The following PRKG1 variants were observed in gnomAD, a reference collection of about 807,000 sequenced individuals.
PRKG1 encodes the protein protein kinase cGMP-dependent 1.
PRKG1 carries 35 observed loss-of-function variants against 88.1 expected under a neutral mutation model. That is an observed-to-expected ratio of 0.40 (90% CI 0.30 to 0.53). The LOEUF (loss-of-function observed/expected upper bound fraction) is 0.53, where lower values mean the gene tolerates loss of function less well. Among genes scored for constraint, PRKG1 ranks in the 20% least tolerant of loss-of-function variants. PRKG1 has a pLI of 0.59. For missense variants in PRKG1, 540 were observed against 839.8 expected, an observed-to-expected ratio of 0.64 and a Z score of 4.41; for synonymous variants, 303 against 292.5, an observed-to-expected ratio of 1.04 and a Z score of -0.37.
At chr10:51,668,268 T>G (rs1840472010) in intron 3 of PRKG1, among the ~76,000 whole-genome samples, 1 of 152,210 alleles carries the variant, frequency 6.6e-6, no homozygotes, top group South Asian at 2.1e-4. Flanking sequence ...AAACCACGTA[T>G]AGTGATAAGG....
In PRKG1 at chr10:51,737,924, T is replaced by A. The variant is rs191735439; in HGVS notation, c.593-66661T>A. On this transcript the variant is annotated intron_variant, in intron 3 of 17. Transcript: ENST00000373980. ...GATTACAGGCACATGCCACCACGCCTGGCTAATTTTTTTTTGTTTGTTTGT... is the reference window on the plus strand; with the variant it reads ...GATTACAGGCACATGCCACCACGCCAGGCTAATTTTTTTTTGTTTGTTTGT... 9.9e-3 allele frequency among the ~76,000 whole-genome samples: 1,479 copies of A among 149,684 alleles called. 22 individuals are homozygous for A. Among genetic ancestry groups the A allele is most frequent in the African/African-American group, 0.032 (1,306 of 40,696 alleles).
intron 3 of PRKG1, among the ~76,000 whole-genome samples, chr10:51,746,277 T>C (rs1236425105): frequency 6.6e-6 from 1 of 150,766 alleles, no homozygotes; most frequent in Non-Finnish European, 1.5e-5. Flanking sequence ...TTGTAAGCAA[T>C]TTGGTCGTCA....
chr10:51,080,567 T>C (rs973250832), intron 1 of PRKG1, among the ~76,000 whole-genome samples: 4 of 152,198 alleles, frequency 2.6e-5, no homozygotes, highest in African/African-American at 9.7e-5. Flanking sequence ...AAACTGGGTC[T>C]GTTGCTAGCA....
intron 5 of PRKG1, among the ~76,000 whole-genome samples, chr10:52,020,201 C>T (rs1358465245): frequency 6.6e-6 from 1 of 151,894 alleles, no homozygotes; most frequent in African/African-American, 2.4e-5. Flanking sequence ...TATAGTAAAT[C>T]TCCAAAACTA....
At chr10:51,236,300 A>C (rs2132116906) in intron 2 of PRKG1, among the ~76,000 whole-genome samples, 1 of 152,236 alleles carries the variant, frequency 6.6e-6, no homozygotes, top group South Asian at 2.1e-4. Flanking sequence ...TATACTGATA[A>C]TTCAAATGCC....
intron 2 of PRKG1, among the ~76,000 whole-genome samples, chr10:51,158,936 A>G (rs1846288932): frequency 6.7e-6 from 1 of 150,174 alleles, no homozygotes; most frequent in African/African-American, 2.5e-5. Flanking sequence ...TCAAAAGACT[A>G]GACTCATTTC....
At chr10:51,553,392 T>A (rs1278330607) in intron 3 of PRKG1, among the ~76,000 whole-genome samples, 2 of 151,714 alleles carry the variant, frequency 1.3e-5, no homozygotes, top group Non-Finnish European at 3.0e-5. Flanking sequence ...TCATGCTTTT[T>A]TGTGTGTGAA....
intron 3 of PRKG1, among the ~76,000 whole-genome samples, chr10:51,573,205 A>G (rs1425888115): frequency 6.6e-6 from 1 of 151,820 alleles, no homozygotes; most frequent in Non-Finnish European, 1.5e-5. Context: ...AAAGGCTGGT[A>G]AACAGAGCCC....
intron 5 of PRKG1, among the ~76,000 whole-genome samples, chr10:51,942,125 C>G (rs1842922451): frequency 6.6e-6 from 1 of 151,776 alleles, no homozygotes; most frequent in African/African-American, 2.4e-5. Context: ...TGTTTCCTGA[C>G]TTTTTAATGA....
intron 2 of PRKG1, among the ~76,000 whole-genome samples, chr10:51,207,327 C>T (rs1838088346): frequency 1.3e-5 from 2 of 152,156 alleles, no homozygotes; most frequent in African/African-American, 2.4e-5. Flanking sequence ...AAGAAGATTT[C>T]AAAGGACCAC....
At chr10:51,034,514 T>A (rs1244635683) in intron 1 of PRKG1, among the ~76,000 whole-genome samples, 2 of 151,638 alleles carry the variant, frequency 1.3e-5, no homozygotes, top group Non-Finnish European at 2.9e-5. Context: ...CCAAAATTCA[T>A]AAAATTGACT....
At chr10:51,221,015 C>A (rs991610832) in intron 2 of PRKG1, among the ~76,000 whole-genome samples, 1 of 151,908 alleles carries the variant, frequency 6.6e-6, no homozygotes, top group African/African-American at 2.4e-5. Context: ...TCATTCAGCA[C>A]TGGGTTATTG....
At chr10:51,760,673 T>C (rs537267202) in intron 3 of PRKG1, among the ~76,000 whole-genome samples, 203 of 152,084 alleles carry the variant, frequency 1.3e-3, no homozygotes, top group Non-Finnish European at 2.5e-3. Flanking sequence ...GGTTTCACCA[T>C]GTTGGCCAGT....
At chr10:51,864,053 A>G (rs1840954258) in intron 4 of PRKG1, among the ~76,000 whole-genome samples, 1 of 152,098 alleles carries the variant, frequency 6.6e-6, no homozygotes, top group Non-Finnish European at 1.5e-5. Context: ...GGATTAGGGG[A>G]CCAACTGCCC....
intron 5 of PRKG1, among the ~76,000 whole-genome samples, chr10:52,015,060 G>A (rs1382414030): frequency 6.6e-6 from 1 of 152,206 alleles, no homozygotes; most frequent in Non-Finnish European, 1.5e-5. Flanking sequence ...TCTGGAGGAT[G>A]GTAACCTTCT....
intron 3 of PRKG1, among the ~76,000 whole-genome samples, chr10:51,708,294 G>A (rs368488514): frequency 1.6e-3 from 240 of 152,112 alleles, no homozygotes; most frequent in African/African-American, 5.5e-3. Context: ...TAGATGAGGG[G>A]TCCACACGTA....
chr10:51,458,376 GTGACTAACATTT>G (rs1564505765), intron 2 of PRKG1, among the ~76,000 whole-genome samples: 1 of 151,866 alleles, frequency 6.6e-6, no homozygotes, highest in African/African-American at 2.4e-5. Context: ...CACAGGAATA[GTGACTAACATTT>G]TGACTAACAT....
intron 3 of PRKG1, among the ~76,000 whole-genome samples, chr10:51,582,988 A>G (rs531700124): frequency 8.5e-5 from 13 of 152,298 alleles, no homozygotes; most frequent in Admixed American, 8.5e-4. Context: ...TTCAACCTGT[A>G]GTGATGTAGC....
At chr10:51,675,889 C>T (rs1378401304) in intron 3 of PRKG1, among the ~76,000 whole-genome samples, 1 of 152,100 alleles carries the variant, frequency 6.6e-6, no homozygotes, top group Non-Finnish European at 1.5e-5. Flanking sequence ...CTGAAATCCT[C>T]CCAGTCAAGC....
Sources: gnomAD v4.1 joint callset for allele counts (sites outside exome capture counted in the v4.1 genomes callset) on GRCh38, gnomAD v4.1.1 for gene constraint, MANE v1.5 for transcripts, NCBI Gene and HGNC (gene_info 2026-07-23, HGNC 2026-07-21) for gene names.